Variants in CCDC172 observed in about 807,000 individuals in gnomAD.
CCDC172 encodes coiled-coil domain containing 172.
In CCDC172, 30 loss-of-function variants were observed where a neutral mutation model predicts 38.0. The observed-to-expected ratio is 0.79, with a 90% CI of 0.59 to 1.07. The LOEUF (loss-of-function observed/expected upper bound fraction) is 1.07, where lower values mean the gene tolerates loss of function less well. Among genes scored for constraint, CCDC172 ranks in the 50% least tolerant of loss-of-function variants. The probability of loss-of-function intolerance (pLI) is 0.00; values close to 1 mark genes in which losing one functional copy is unlikely to be tolerated. For synonymous variants in CCDC172, 78 were observed against 88.3 expected (o/e 0.88, Z 0.66); for missense variants, 297 against 290.1 (o/e 1.02, Z -0.17).
rs140026446 is a variant in CCDC172, at chr10:116,361,032, CTATTATTATTATTATTATTAT to C, written c.653+3126_653+3146del. ...ATTGGGCCTCTGTAAACCCCCAAACCTATTATTATTATTATTATTATTATTATTATTATTATTATTATTATT... is the reference window on the plus strand; with the variant it reads ...ATTGGGCCTCTGTAAACCCCCAAACCTATTATTATTATTATTATTATTATT... On this transcript the variant is annotated intron_variant, in intron 7 of 8. Coordinates refer to ENST00000333254, the MANE Select transcript of CCDC172 (RefSeq NM_198515.3). Among the ~76,000 whole-genome samples the C allele has an allele frequency of 2.9e-3, 413 of 142,256 alleles. 1 individual carries two copies. Among genetic ancestry groups the C allele is most frequent in the African/African-American group, 7.6e-3 (291 of 38,526 alleles). The allele number at this position is 142,256 out of a possible 152,430, so 93.3% of individuals were successfully genotyped here. A position where few individuals can be genotyped will look rare whatever the true frequency, so the allele number is the denominator to read the frequency against.
chr10:116,353,575 C>T (rs533846435), intron 5 of CCDC172, among the ~76,000 whole-genome samples: 95 of 152,156 alleles, frequency 6.2e-4, no homozygotes, highest in African/African-American at 2.2e-3. Flanking sequence ...ATTAAATAGA[C>T]GTTTCCCAAA....
chr10:116,342,905 TC>T (rs1374655937), intron 5 of CCDC172, among the ~76,000 whole-genome samples: 3 of 152,132 alleles, frequency 2.0e-5, no homozygotes, highest in African/African-American at 7.2e-5. Flanking sequence ...TTCTGAGGCC[TC>T]CCCAGCCATG....
intron 3 of CCDC172, among the ~76,000 whole-genome samples, chr10:116,337,322 C>T (rs73374929): frequency 0.093 from 14,113 of 151,750 alleles, 896 homozygotes; most frequent in East Asian, 0.22. Context: ...CTGGCTGATT[C>T]TTGTATTTTT....
rs1844601284 is a variant in CCDC172, at chr10:116,327,035, T to G, written c.165+1647T>G. On this transcript the variant is annotated intron_variant, in intron 3 of 8. Coordinates refer to ENST00000333254, the MANE Select transcript of CCDC172 (RefSeq NM_198515.3). ...ATTGATATCTAGAAGCTAATAGAAG[T>G]AATGGGCAAAATATGAGCACTTACT... Among the ~76,000 whole-genome samples, 5 of 152,082 alleles carry G rather than the reference T, an allele frequency of 3.3e-5. No individual in the cohort carries two copies. In the South Asian group the frequency reaches 1.0e-3, roughly 32 times the overall value.
chr10:116,359,789 T>A (rs185936978), intron 7 of CCDC172, among the ~76,000 whole-genome samples: 20 of 152,358 alleles, frequency 1.3e-4, no homozygotes, highest in African/African-American at 4.6e-4. Flanking sequence ...CTAGTTTTAG[T>A]AATTAGACAA....
intron 1 of CCDC172, 77 bp from the exon 2 acceptor site, chr10:116,324,870 C>T (rs1432001853): frequency 5.9e-6 from 4 of 679,056 alleles, no homozygotes; most frequent in Non-Finnish European, 7.6e-6. Flanking sequence ...TCTTGCTGGG[C>T]TGGCGACAGA....
chr10:116,376,493 A>G (rs1370672202), intron 7 of CCDC172, among the ~76,000 whole-genome samples: 3 of 152,214 alleles, frequency 2.0e-5, no homozygotes, highest in Admixed American at 6.5e-5. Flanking sequence ...AATGTTAGTC[A>G]TAATGCCAGA....
intron 5 of CCDC172, among the ~76,000 whole-genome samples, chr10:116,346,249 G>A (rs1032511849): frequency 5.0e-5 from 7 of 141,384 alleles, no homozygotes; most frequent in African/African-American, 1.3e-4. Context: ...CCAAGATCGC[G>A]CCATTGCACT....
intron 5 of CCDC172, among the ~76,000 whole-genome samples, chr10:116,355,451 A>G (rs1292385172): frequency 3.3e-5 from 5 of 152,184 alleles, no homozygotes; most frequent in Non-Finnish European, 7.3e-5. Context: ...TTCTCACAAC[A>G]ACATAATCAC....
At chr10:116,378,127 G>C (rs963723410) in intron 7 of CCDC172, among the ~76,000 whole-genome samples, 4 of 151,000 alleles carry the variant, frequency 2.6e-5, no homozygotes, top group Non-Finnish European at 4.4e-5. Flanking sequence ...GTTGCAGTGA[G>C]CCGAGATCAC....
Position 116,378,601 on chromosome 10 carries a change from G to A in CCDC172, c.741+91G>A. On this transcript the variant is annotated intron_variant, in intron 8 of 8. Coordinates refer to ENST00000333254, the MANE Select transcript of CCDC172 (RefSeq NM_198515.3). ...TACTGGTGTACAAATCACTGAACTA[G>A]TGTTTAATCCCTCTGCAAAAAACAG... 6.6e-6 allele frequency: 6 copies of A among 915,780 alleles called. No individual in the cohort carries two copies. In the South Asian group the frequency reaches 9.2e-5, roughly 14 times the overall value. 56.7% of individuals were successfully genotyped at this position (915,780 alleles called of 1,614,324 possible).
At chr10:116,339,722 T>C (rs1844770601) in intron 3 of CCDC172, among the ~76,000 whole-genome samples, 1 of 151,940 alleles carries the variant, frequency 6.6e-6, no homozygotes, top group Non-Finnish European at 1.5e-5. Flanking sequence ...ACTTTTTTAA[T>C]GTCAATATTT....
At chr10:116,337,155 ATT>A (rs35181377) in intron 3 of CCDC172, among the ~76,000 whole-genome samples, 1 of 146,002 alleles carries the variant, frequency 6.8e-6, no homozygotes, top group African/African-American at 2.5e-5. Flanking sequence ...GTGATTCTAG[ATT>A]TTTTTTTTTT....
At chr10:116,357,239 A>ATG in intron 5 of CCDC172, 141 bp from the exon 6 acceptor site, 2 of 553,992 alleles carry the variant, frequency 3.6e-6, no homozygotes, top group African/African-American at 2.0e-5. Context: ...ATCCATAGAC[A>ATG]TGGATATCTT....
At chr10:116,371,867 G>A (rs1401501096) in intron 7 of CCDC172, among the ~76,000 whole-genome samples, 1 of 152,146 alleles carries the variant, frequency 6.6e-6, no homozygotes, top group South Asian at 2.1e-4. Context: ...AGATAAGAGA[G>A]CCATTGATTT....
At position 116,324,954 on chromosome 10, in the gene CCDC172, A is replaced by G. The variant is rs1418279461; in HGVS notation, c.-58A>G. 2 of 1,359,534 alleles carry G rather than the reference A, an allele frequency of 1.5e-6. No homozygotes were observed. Among genetic ancestry groups the G allele is most frequent in the Admixed American group, 1.7e-5 (1 of 59,138 alleles). The allele number at this position is 1,359,534 out of a possible 1,614,324, so 84.2% of individuals were successfully genotyped here. A position where few individuals can be genotyped will look rare whatever the true frequency, so the allele number is the denominator to read the frequency against. On this transcript the variant is annotated 5_prime_UTR_variant, in exon 2 of 9. Transcript: ENST00000333254. ...CTTTATTCTGCTTTCCAGGATCCTCAGAGTTGGTTATAAAATATTTAAGGG... is the reference window on the plus strand; with the variant it reads ...CTTTATTCTGCTTTCCAGGATCCTCGGAGTTGGTTATAAAATATTTAAGGG...
intron 3 of CCDC172, among the ~76,000 whole-genome samples, chr10:116,334,528 G>T (rs1357812979): frequency 6.6e-6 from 1 of 151,840 alleles, no homozygotes; most frequent in Non-Finnish European, 1.5e-5. Context: ...CTGTAACCTA[G>T]ACATCTGAGT....
intron 3 of CCDC172, among the ~76,000 whole-genome samples, chr10:116,327,091 C>T (rs1199352898): frequency 1.3e-5 from 2 of 152,082 alleles, no homozygotes; most frequent in African/African-American, 2.4e-5. Context: ...AAATGCTTCT[C>T]CTGTATTAAC....
chr10:116,372,447 G>T (rs559018069), intron 7 of CCDC172, among the ~76,000 whole-genome samples: 2 of 152,136 alleles, frequency 1.3e-5, no homozygotes, highest in Admixed American at 1.3e-4. Flanking sequence ...GTACCCTCCT[G>T]CCTATTTATA....
Sources: gnomAD v4.1 joint callset for allele counts (sites outside exome capture counted in the v4.1 genomes callset) on GRCh38, gnomAD v4.1.1 for gene constraint, MANE v1.5 for transcripts, NCBI Gene and HGNC (gene_info 2026-07-23, HGNC 2026-07-21) for gene names.